Variants in SORCS2 observed in about 807,000 individuals in gnomAD.
SORCS2 encodes the protein VPS10 domain-containing receptor SorCS2.
SORCS2 carries 100 observed loss-of-function variants against 141.6 expected under a neutral mutation model. The observed-to-expected ratio is 0.71, with a 90% confidence interval of 0.60 to 0.83. SORCS2 has a LOEUF of 0.83. Among genes scored for constraint, SORCS2 ranks in the 40% least tolerant of loss-of-function variants. The pLI is 0.00. For missense variants in SORCS2, 1,646 were observed against 1,560.2 expected, an observed-to-expected ratio of 1.05 and a Z score of -0.93; for synonymous variants, 789 against 676.9, an observed-to-expected ratio of 1.17 and a Z score of -2.57.
chr4:7,668,640 A>G (rs890039145), intron 8 of SORCS2, among the ~76,000 whole-genome samples: 3 of 152,138 alleles, frequency 2.0e-5, no homozygotes, highest in African/African-American at 7.2e-5. Flanking sequence ...TAAAAACAAG[A>G]AAAAAATAAA....
chr4:7,224,839 G>T (rs1237811531), intron 1 of SORCS2, among the ~76,000 whole-genome samples: 1 of 152,208 alleles, frequency 6.6e-6, no homozygotes, highest in Non-Finnish European at 1.5e-5. Context: ...TCTCTCATGA[G>T]CTCACTGGGG....
chr4:7,394,060 C>G (rs1307950523), intron 1 of SORCS2, among the ~76,000 whole-genome samples: 1 of 150,570 alleles, frequency 6.6e-6, no homozygotes, highest in Non-Finnish European at 1.5e-5. Context: ...TGGGCAAAGC[C>G]AACGCCGCAG....
intron 1 of SORCS2, among the ~76,000 whole-genome samples, chr4:7,275,729 C>G (rs189420777): frequency 7.3e-4 from 110 of 149,808 alleles, no homozygotes; most frequent in Admixed American, 1.4e-3. Flanking sequence ...TGCAAGCAGA[C>G]TAAGTAAACA....
At chr4:7,281,905 C>T (rs938577320) in intron 1 of SORCS2, among the ~76,000 whole-genome samples, 5 of 152,298 alleles carry the variant, frequency 3.3e-5, no homozygotes, top group East Asian at 1.9e-4. Context: ...TTCCAGGACT[C>T]GTGACATGGT....
chr4:7,700,047 C>T (rs1248008684), intron 12 of SORCS2, among the ~76,000 whole-genome samples: 1 of 152,154 alleles, frequency 6.6e-6, no homozygotes, highest in Non-Finnish European at 1.5e-5. Flanking sequence ...TCTCCGTGTG[C>T]CCCCAGGGCT....
chr4:7,416,738 GCACA>G (rs58239236), intron 2 of SORCS2, among the ~76,000 whole-genome samples: 2 of 146,322 alleles, frequency 1.4e-5, no homozygotes, highest in South Asian at 4.4e-4. Context: ...ACACACGCAT[GCACA>G]CACACTTGTG....
At chr4:7,242,794 T>C (rs969750641) in intron 1 of SORCS2, among the ~76,000 whole-genome samples, 1 of 152,200 alleles carries the variant, frequency 6.6e-6, no homozygotes, top group African/African-American at 2.4e-5. Flanking sequence ...CGGTCAGTCT[T>C]ATACCAGAGT....
intron 2 of SORCS2, among the ~76,000 whole-genome samples, chr4:7,512,667 C>T (rs1732736731): frequency 6.6e-6 from 1 of 151,402 alleles, no homozygotes; most frequent in African/African-American, 2.4e-5. Context: ...CCCCACCATA[C>T]CCCTCCCCGC....
intron 1 of SORCS2, among the ~76,000 whole-genome samples, chr4:7,294,094 G>A (rs561671125): frequency 1.3e-5 from 2 of 152,342 alleles, no homozygotes; most frequent in East Asian, 3.9e-4. Flanking sequence ...TTGCCTCAGA[G>A]GCTGGGGAAG....
At chr4:7,422,633 A>T (rs1173369175) in intron 2 of SORCS2, among the ~76,000 whole-genome samples, 1 of 152,018 alleles carries the variant, frequency 6.6e-6, no homozygotes, top group Non-Finnish European at 1.5e-5. Flanking sequence ...GCCATCTCTC[A>T]GACCCACACA....
intron 2 of SORCS2, among the ~76,000 whole-genome samples, chr4:7,520,657 G>A (rs78033216): frequency 0.16 from 23,845 of 152,216 alleles, 2,451 homozygotes; most frequent in Admixed American, 0.23. Context: ...CACAGGCACC[G>A]GGGGTGGCCC....
intron 12 of SORCS2, among the ~76,000 whole-genome samples, chr4:7,699,091 T>C (rs1342845235): frequency 6.6e-6 from 1 of 152,136 alleles, no homozygotes; most frequent in Non-Finnish European, 1.5e-5. Context: ...ATGAGTTTCC[T>C]AGGATGTTTT....
intron 2 of SORCS2, among the ~76,000 whole-genome samples, chr4:7,463,828 A>G (rs1332467108): frequency 6.6e-6 from 1 of 152,120 alleles, no homozygotes; most frequent in Non-Finnish European, 1.5e-5. Flanking sequence ...TGCGTGCCGG[A>G]CTGGTGTGGA....
chr4:7,480,072 T>C (rs541155607), intron 2 of SORCS2, among the ~76,000 whole-genome samples: 5 of 151,256 alleles, frequency 3.3e-5, no homozygotes, highest in Non-Finnish European at 7.4e-5. Context: ...TGAGCTGAAC[T>C]CCTCCTTTGG....
intron 1 of SORCS2, among the ~76,000 whole-genome samples, chr4:7,322,679 C>T (rs1011291609): frequency 4.6e-5 from 7 of 152,310 alleles, no homozygotes; most frequent in Non-Finnish European, 7.4e-5. Context: ...GCCCCTAAGC[C>T]GTCCCTGGGC....
chr4:7,632,092 C>A (rs992554313), intron 3 of SORCS2, among the ~76,000 whole-genome samples: 3 of 152,190 alleles, frequency 2.0e-5, no homozygotes, highest in African/African-American at 7.2e-5. Context: ...ATAATCACAC[C>A]TACCTAGCAG....
At chr4:7,232,731 G>T (rs1378556205) in intron 1 of SORCS2, among the ~76,000 whole-genome samples, 5 of 152,190 alleles carry the variant, frequency 3.3e-5, no homozygotes, top group Admixed American at 3.3e-4. Flanking sequence ...GCTGGGAGCT[G>T]CCCTGGGCCC....
chr4:7,661,641 C>T (rs1018998182), intron 6 of SORCS2, 77 bp downstream of exon 6: 8 of 1,370,158 alleles, frequency 5.8e-6, no homozygotes, highest in Non-Finnish European at 7.1e-6. Flanking sequence ...CACGTGTGTT[C>T]AGTCGCTTGT....
intron 2 of SORCS2, among the ~76,000 whole-genome samples, chr4:7,412,250 G>A (rs1298386837): frequency 6.6e-6 from 1 of 152,164 alleles, no homozygotes; most frequent in Non-Finnish European, 1.5e-5. Context: ...CTGCTCACTC[G>A]GCCTTGCTCC....
Sources: allele counts gnomAD v4.1 joint callset (sites outside exome capture counted in the v4.1 genomes callset), GRCh38; gene constraint gnomAD v4.1.1; transcripts MANE v1.5; gene names NCBI Gene and HGNC (gene_info 2026-07-23, HGNC 2026-07-21).